Variants in SIN3A observed in about 807,000 individuals in gnomAD.
SIN3A encodes the protein paired amphipathic helix protein Sin3a.
Under a neutral mutation model 146.1 loss-of-function variants are expected in SIN3A, and 14 were observed. The observed-to-expected ratio is 0.10, with a 90% confidence interval of 0.06 to 0.15. The LOEUF (loss-of-function observed/expected upper bound fraction) is 0.15, where lower values mean the gene tolerates loss of function less well. SIN3A is among the 10% of genes least tolerant of loss of function. The pLI is 1.00. For missense variants in SIN3A, 1,028 were observed against 1,576.0 expected, an observed-to-expected ratio of 0.65 and a Z score of 5.89; for synonymous variants, 572 against 572.0, an observed-to-expected ratio of 1.00 and a Z score of 0.00.
chr15:75,412,158 G>T (rs1044310189), intron 5 of SIN3A, among the ~76,000 whole-genome samples: 2 of 152,214 alleles, frequency 1.3e-5, no homozygotes, highest in Non-Finnish European at 1.5e-5. Context: ...GAACTGAGAT[G>T]ATGGAAATGT....
chr15:75,397,600 T>C (rs1345619140), intron 12 of SIN3A, among the ~76,000 whole-genome samples: 2 of 152,170 alleles, frequency 1.3e-5, no homozygotes, highest in Non-Finnish European at 2.9e-5. Context: ...ATTAAACCCA[T>C]TGGTTTTACA....
In SIN3A at chr15:75,413,132, A is replaced by C; in HGVS notation, c.474-87T>G. On this transcript the variant is annotated intron_variant, in intron 4 of 20. Coordinates refer to ENST00000394947, the MANE Select transcript of SIN3A (RefSeq NM_001145358.2). ...AAATTTCATGTTTTTTTTTCTTTTG[A>C]GACGGAGTCTCACTCTGTTGCCCAG... The C allele has an allele frequency of 8.1e-6, 11 of 1,358,050 alleles. 1 individual carries two copies. In the South Asian group the frequency reaches 1.5e-4, roughly 19 times the overall value. The allele number at this position is 1,358,050 out of a possible 1,614,324, so 84.1% of individuals were successfully genotyped here.
chr15:75,398,136 T>C (rs989604615), intron 12 of SIN3A, among the ~76,000 whole-genome samples: 1 of 152,142 alleles, frequency 6.6e-6, no homozygotes, highest in Non-Finnish European at 1.5e-5. Flanking sequence ...ACCAGCAAGA[T>C]ACCTATCCAC....
chr15:75,451,021 CT>C (rs1322145444), intron 1 of SIN3A, among the ~76,000 whole-genome samples: 187 of 151,718 alleles, frequency 1.2e-3, no homozygotes, highest in Middle Eastern at 3.4e-3. Context: ...AGACCCCCCC[CT>C]ACCCCTCCCC....
chr15:75,442,873 G>T lies in SIN3A; in HGVS notation c.-34+8550C>A, dbSNP rs189821301. 2.1e-3 allele frequency among the ~76,000 whole-genome samples: 313 copies of T among 150,752 alleles called. 2 individuals are homozygous for T. Among genetic ancestry groups the T allele is most frequent in the African/African-American group, 7.1e-3 (291 of 40,974 alleles). On this transcript the variant is annotated intron_variant, in intron 1 of 20. Coordinates refer to ENST00000394947, the MANE Select transcript of SIN3A (RefSeq NM_001145358.2). ...CTTGAACCCAGGAGGCGGAGGTTGC[G>T]GTGAGCCGAGATTGTGCCATGGCAC...
chr15:75,397,247 A>G (rs957675317), intron 12 of SIN3A, among the ~76,000 whole-genome samples: 21 of 152,144 alleles, frequency 1.4e-4, no homozygotes, highest in Admixed American at 9.8e-4. Flanking sequence ...AGTGTTCCCT[A>G]AGTTTTCTTG....
chr15:75,443,147 A>G (rs960623381), intron 1 of SIN3A, among the ~76,000 whole-genome samples: 1 of 152,034 alleles, frequency 6.6e-6, no homozygotes, highest in African/African-American at 2.4e-5. Context: ...CTTGGTTTAT[A>G]TAACTTTACC....
chr15:75,442,156 GA>G (rs1238777045), intron 1 of SIN3A, among the ~76,000 whole-genome samples: 2 of 90,944 alleles, frequency 2.2e-5, no homozygotes, highest in Admixed American at 1.1e-4. Flanking sequence ...AAAAAAAACT[GA>G]TTTTTTTTTT....
At position 75,401,932 on chromosome 15, in the gene SIN3A, A is replaced by G. The variant is rs1257462714; in HGVS notation, c.1446T>C (p.Asn482=). The G allele has an allele frequency of 1.2e-6, 2 of 1,613,894 alleles. No individual in the cohort carries two copies. Among genetic ancestry groups the G allele is most frequent in the Admixed American group, 3.3e-5 (2 of 60,004 alleles). ...KALRSAEAYE[N]FLRCLVIFNQ... The stretch of plus-strand genomic sequence containing the variant: ...TAAAAATAACAAGACAGCGTAGGAA[A>G]TTTTCGTAGGCTTCTGCACTCCGAA... Residue 482 remains asparagine, a synonymous_variant, in exon 10 of 21, where the codon AAT becomes AAC. Transcript: ENST00000394947.
At chr15:75,450,011 C>T (rs889129835) in intron 1 of SIN3A, among the ~76,000 whole-genome samples, 2 of 152,148 alleles carry the variant, frequency 1.3e-5, no homozygotes, top group African/African-American at 4.8e-5. Context: ...AACTCCTGAC[C>T]TCAAGTGATC....
At chr15:75,415,077 A>C (rs990210503) in intron 3 of SIN3A, among the ~76,000 whole-genome samples, 2 of 152,220 alleles carry the variant, frequency 1.3e-5, no homozygotes, top group African/African-American at 4.8e-5. Flanking sequence ...ATTTTCGTGT[A>C]CGCAATTTGA....
At chr15:75,415,670 G>C (rs531335819) in intron 3 of SIN3A, 15 of 160,062 alleles carry the variant, frequency 9.4e-5, no homozygotes, top group African/African-American at 3.6e-4. Context: ...TGACCAACAC[G>C]GAGAAACCCA....
chr15:75,450,781 G>A (rs1471850575), intron 1 of SIN3A, among the ~76,000 whole-genome samples: 2 of 152,222 alleles, frequency 1.3e-5, no homozygotes, highest in Admixed American at 1.3e-4. Context: ...ATAGGGCGGG[G>A]CAGATCTAGG....
chr15:75,396,230 AG>A, intron 13 of SIN3A, 27 bp downstream of exon 13: 1 of 1,501,482 alleles, frequency 6.7e-7, no homozygotes, highest in Non-Finnish European at 9.3e-7. Context: ...AGTACACTAA[AG>A]CACTAAGGGC....
chr15:75,413,800 A>C (rs2073687190), intron 4 of SIN3A, among the ~76,000 whole-genome samples: 1 of 152,226 alleles, frequency 6.6e-6, no homozygotes, highest in South Asian at 2.1e-4. Flanking sequence ...ATAAAGCTAC[A>C]TATCCCAAAC....
intron 1 of SIN3A, among the ~76,000 whole-genome samples, chr15:75,448,946 A>G (rs1019599526): frequency 6.6e-6 from 1 of 152,240 alleles, no homozygotes; most frequent in African/African-American, 2.4e-5. Context: ...CAATCTTTCT[A>G]AGCTATTTAT....
At chr15:75,440,194 CGTT>C (rs930402775) in intron 1 of SIN3A, among the ~76,000 whole-genome samples, 31 of 151,686 alleles carry the variant, frequency 2.0e-4, no homozygotes, top group African/African-American at 7.5e-4. Flanking sequence ...AACCCCATAT[CGTT>C]ATTACTTACT....
rs536457849 is a variant in SIN3A at position 75,401,545 on chromosome 15, T to A, written c.1526+307A>T. Among the ~76,000 whole-genome samples the A allele has an allele frequency of 5.4e-4, 82 of 151,580 alleles. 1 individual carries two copies. The South Asian group carries it at 5.4e-3, about 10-fold the overall frequency. ...GTGAGACTTCATCTCAAAAAAAAAATAATAATAATAATTTTTAAAAAAATT... is the reference window on the plus strand; with the variant it reads ...GTGAGACTTCATCTCAAAAAAAAAAAAATAATAATAATTTTTAAAAAAATT... On this transcript the variant is annotated intron_variant, in intron 10 of 20. Coordinates refer to ENST00000394947, the MANE Select transcript of SIN3A (RefSeq NM_001145358.2).
chr15:75,417,120 C>G (rs2141517496), intron 3 of SIN3A, among the ~76,000 whole-genome samples: 2 of 151,150 alleles, frequency 1.3e-5, no homozygotes, highest in East Asian at 3.9e-4. Flanking sequence ...ATCTTTAAAG[C>G]TGGATACAGT....
Sources: gnomAD v4.1 joint callset for allele counts (sites outside exome capture counted in the v4.1 genomes callset) on GRCh38, gnomAD v4.1.1 for gene constraint, MANE v1.5 for transcripts, NCBI Gene and HGNC (gene_info 2026-07-23, HGNC 2026-07-21) for gene names.